Variants in PDE11A observed in about 807,000 individuals in gnomAD.
PDE11A encodes phosphodiesterase 11A, also known as dual 3',5'-cyclic-AMP and -GMP phosphodiesterase 11A.
In PDE11A, 100 loss-of-function variants were observed where a neutral mutation model predicts 100.5. That is an observed-to-expected ratio of 1.00 (90% CI 0.85 to 1.18). The LOEUF is 1.18. Ranked by LOEUF, PDE11A falls within the 50% of genes most tolerant of loss-of-function variation. PDE11A has a pLI of 0.00. For missense variants in PDE11A, 1,141 were observed against 1,152.6 expected, an observed-to-expected ratio of 0.99 and a Z score of 0.15; for synonymous variants, 381 against 420.8, an observed-to-expected ratio of 0.91 and a Z score of 1.16.
At chr2:177,828,473 G>A (rs2083261037) in intron 6 of PDE11A, among the ~76,000 whole-genome samples, 2 of 152,202 alleles carry the variant, frequency 1.3e-5, no homozygotes, top group Admixed American at 1.3e-4. Flanking sequence ...AAGAGAGATG[G>A]TAAACAATAC....
At chr2:177,754,771 T>C (rs952993866) in intron 10 of PDE11A, among the ~76,000 whole-genome samples, 1 of 152,256 alleles carries the variant, frequency 6.6e-6, no homozygotes, top group South Asian at 2.1e-4. Context: ...AGAGAGCTGT[T>C]TGGATACAAG....
chr2:177,795,495 T>C (rs1280169026), intron 9 of PDE11A, among the ~76,000 whole-genome samples: 3 of 152,214 alleles, frequency 2.0e-5, no homozygotes, highest in East Asian at 1.9e-4. Context: ...ATATATGTGA[T>C]GTCACACACA....
intron 2 of PDE11A, among the ~76,000 whole-genome samples, chr2:177,987,126 TC>T (rs2085949836): frequency 6.6e-6 from 1 of 151,828 alleles, no homozygotes; most frequent in Non-Finnish European, 1.5e-5. Context: ...CCCAAATATG[TC>T]CCCCACCAGC....
At chr2:177,833,839 T>C (rs904773865) in intron 6 of PDE11A, among the ~76,000 whole-genome samples, 1 of 152,212 alleles carries the variant, frequency 6.6e-6, no homozygotes, top group South Asian at 2.1e-4. Flanking sequence ...GAAGGATCTC[T>C]GGAGAATTTC....
intron 19 of PDE11A, among the ~76,000 whole-genome samples, chr2:177,655,542 T>G (rs2080368191): frequency 6.6e-6 from 1 of 151,352 alleles, no homozygotes; most frequent in African/African-American, 2.5e-5. Context: ...TTTTCCTTTC[T>G]TTCTTTTTTT....
At chr2:177,833,753 C>A (rs1271578542) in intron 6 of PDE11A, among the ~76,000 whole-genome samples, 1 of 152,152 alleles carries the variant, frequency 6.6e-6, no homozygotes, top group Non-Finnish European at 1.5e-5. Context: ...CCAGAATTAG[C>A]CACTGAGCTA....
chr2:177,832,135 G>A (rs1267392621), intron 6 of PDE11A, among the ~76,000 whole-genome samples: 2 of 152,152 alleles, frequency 1.3e-5, no homozygotes, highest in Non-Finnish European at 1.5e-5. Flanking sequence ...TCTCCTGATA[G>A]ATAGAAAAAC....
intron 9 of PDE11A, among the ~76,000 whole-genome samples, chr2:177,783,301 G>A (rs1042607760): frequency 3.3e-5 from 5 of 152,084 alleles, no homozygotes; most frequent in African/African-American, 1.2e-4. Context: ...GGGGCCTATG[G>A]TTAGATAACA....
chr2:177,834,531 G>A (rs2083361515), intron 6 of PDE11A, among the ~76,000 whole-genome samples: 1 of 152,194 alleles, frequency 6.6e-6, no homozygotes, highest in African/African-American at 2.4e-5. Context: ...GGTGAGCAGT[G>A]GCTCCCTGCC....
intron 1 of PDE11A, among the ~76,000 whole-genome samples, chr2:178,046,463 C>T (rs945140790): frequency 1.3e-5 from 2 of 152,114 alleles, no homozygotes; most frequent in African/African-American, 2.4e-5. Flanking sequence ...AGTAGTTGAT[C>T]TCTGTATTGT....
intron 5 of PDE11A, among the ~76,000 whole-genome samples, chr2:177,846,368 CT>C (rs2083602755): frequency 6.6e-6 from 1 of 152,172 alleles, no homozygotes; most frequent in Non-Finnish European, 1.5e-5. Flanking sequence ...AGCATCACAA[CT>C]TTTAAAGCAA....
At chr2:177,704,809 T>C (rs937818658) in intron 13 of PDE11A, among the ~76,000 whole-genome samples, 7 of 152,146 alleles carry the variant, frequency 4.6e-5, no homozygotes, top group Non-Finnish European at 8.8e-5. Context: ...GAGGGGAACA[T>C]AACAAGCAGC....
intron 5 of PDE11A, among the ~76,000 whole-genome samples, chr2:177,860,896 A>G (rs762271362): frequency 9.2e-5 from 14 of 151,830 alleles, no homozygotes; most frequent in Non-Finnish European, 1.9e-4. Flanking sequence ...CTTTCATGCC[A>G]CTTAACAAAC....
intron 6 of PDE11A, among the ~76,000 whole-genome samples, chr2:177,832,471 G>A (rs142924667): frequency 1.2e-3 from 179 of 152,152 alleles, no homozygotes; most frequent in Non-Finnish European, 2.0e-3. Flanking sequence ...TTTGGGATTC[G>A]GACTGGCTTC....
chr2:178,039,582 T>A (rs953128316), intron 1 of PDE11A, among the ~76,000 whole-genome samples: 1 of 151,892 alleles, frequency 6.6e-6, no homozygotes, highest in African/African-American at 2.4e-5. Context: ...AAGTCTGCGG[T>A]CATGCAAATA....
At chr2:177,844,653 G>T (rs1203114289) in intron 5 of PDE11A, among the ~76,000 whole-genome samples, 1 of 151,412 alleles carries the variant, frequency 6.6e-6, no homozygotes, top group Non-Finnish European at 1.5e-5. Context: ...GTGAACAAAG[G>T]TCTCTGGTTT....
chr2:177,661,029 CA>C (rs1442835381), intron 19 of PDE11A, among the ~76,000 whole-genome samples: 1 of 152,142 alleles, frequency 6.6e-6, no homozygotes, highest in Non-Finnish European at 1.5e-5. Flanking sequence ...TCCAACTCTC[CA>C]ACCTCCTCCA....
intron 1 of PDE11A, among the ~76,000 whole-genome samples, chr2:178,069,075 C>A (rs890685913): frequency 6.6e-6 from 1 of 152,038 alleles, no homozygotes; most frequent in Admixed American, 6.6e-5. Context: ...ATAAGGTAAA[C>A]AGAAAGAAAA....
At chr2:177,844,811 C>T (rs4338993) in intron 5 of PDE11A, among the ~76,000 whole-genome samples, 43,415 of 151,002 alleles carry the variant, frequency 0.29, 6,365 homozygotes, top group Middle Eastern at 0.37. Flanking sequence ...TCCATTTAAC[C>T]CTGAGTGGAC....
Sources: gnomAD v4.1 joint callset for allele counts (sites outside exome capture counted in the v4.1 genomes callset) on GRCh38, gnomAD v4.1.1 for gene constraint, MANE v1.5 for transcripts, NCBI Gene and HGNC (gene_info 2026-07-23, HGNC 2026-07-21) for gene names.